The following TPO variants were observed in gnomAD, a reference collection of about 807,000 sequenced individuals.
TPO encodes the protein thyroid microsomal antigen.
Under a neutral mutation model 96.9 loss-of-function variants are expected in TPO, and 78 were observed. That is an observed-to-expected ratio of 0.81 (90% confidence interval 0.67 to 0.97). The LOEUF is 0.97. Ranked by LOEUF, TPO falls within the 50% of genes least tolerant of loss-of-function variation. The pLI is 0.00. For missense variants in TPO, 1,252 were observed against 1,274.8 expected (o/e 0.98, Z 0.27); for synonymous variants, 547 against 538.0 (o/e 1.02, Z -0.23).
chr2:1,475,675 GGCCTCCCAAATTGCTGGGCGCCCACCTCA>G (rs1257901047), intron 7 of TPO, among the ~76,000 whole-genome samples: 3 of 152,000 alleles, frequency 2.0e-5, no homozygotes, highest in Admixed American at 6.5e-5. Flanking sequence ...CGCCCACCTC[GGCCTCCCAAATTGCTGGGCGCCCACCTCA>G]GCCTCCCAAA....
At chr2:1,528,660 A>ACCACTGTGTGCAACCTCCTCAAATCCC (rs1677206741) in intron 15 of TPO, among the ~76,000 whole-genome samples, 1 of 53,922 alleles carries the variant, frequency 1.9e-5, no homozygotes, top group Non-Finnish European at 3.4e-5. Flanking sequence ...CACCACATCC[A>ACCACTGTGTGCAACCTCCTCAAATCCC]CCACTGTGTG....
intron 2 of TPO, among the ~76,000 whole-genome samples, chr2:1,420,751 G>A (rs531159590): frequency 5.3e-5 from 8 of 152,212 alleles, no homozygotes; most frequent in South Asian, 2.1e-4. Context: ...AAGGATGGTG[G>A]GGAGATCAGT....
At chr2:1,477,927 A>G in intron 8 of TPO, 1 of 985,160 alleles carries the variant, frequency 1.0e-6, no homozygotes, top group South Asian at 4.7e-5. Flanking sequence ...CCCAACAACC[A>G]CAGCCCCACA....
intron 1 of TPO, among the ~76,000 whole-genome samples, chr2:1,385,351 G>A (rs1485573466): frequency 1.3e-5 from 2 of 151,984 alleles, no homozygotes; most frequent in African/African-American, 2.4e-5. Context: ...GACTTTTTTT[G>A]GTTGGTAAGC....
chr2:1,478,273 C>T (rs1258735694), intron 8 of TPO: 2 of 985,310 alleles, frequency 2.0e-6, no homozygotes, highest in Non-Finnish European at 2.4e-6. Context: ...CGGTCCCTGA[C>T]TCTAGGGGTC....
intron 15 of TPO, among the ~76,000 whole-genome samples, chr2:1,531,595 T>TC (rs1223313940): frequency 4.7e-5 from 2 of 42,120 alleles, no homozygotes; most frequent in African/African-American, 1.9e-4. Flanking sequence ...CCGCCCCATA[T>TC]CCCCCCCACT....
chr2:1,505,831 G>C (rs1673388809), intron 14 of TPO, among the ~76,000 whole-genome samples: 1 of 137,448 alleles, frequency 7.3e-6, no homozygotes, highest in Admixed American at 7.7e-5. Flanking sequence ...AGAAATTCTT[G>C]TGGCTTTCTT....
intron 15 of TPO, among the ~76,000 whole-genome samples, chr2:1,521,466 T>TC (rs1675252753): frequency 6.6e-6 from 1 of 151,976 alleles, no homozygotes; most frequent in South Asian, 2.1e-4. Context: ...GGTGCCCTCT[T>TC]CCCCCAGGAC....
At chr2:1,486,204 T>G (rs760116255) in intron 9 of TPO, among the ~76,000 whole-genome samples, 18 of 152,076 alleles carry the variant, frequency 1.2e-4, no homozygotes, top group Non-Finnish European at 2.2e-4. Flanking sequence ...GTGGGGAAAA[T>G]AAATGTGTTT....
chr2:1,440,150 A>ACCG (rs1558287906), intron 5 of TPO, among the ~76,000 whole-genome samples: 2 of 99,278 alleles, frequency 2.0e-5, no homozygotes, highest in African/African-American at 9.0e-5. Context: ...TGCGTTTCCA[A>ACCG]TGTGCTGCGT....
chr2:1,399,665 C>T (rs901264496), intron 1 of TPO, among the ~76,000 whole-genome samples: 4 of 152,238 alleles, frequency 2.6e-5, no homozygotes, highest in Non-Finnish European at 5.9e-5. Flanking sequence ...GTTGCCCACC[C>T]TTTCCATCTC....
At chr2:1,494,435 G>A (rs28991272) in intron 11 of TPO, among the ~76,000 whole-genome samples, 6,283 of 152,342 alleles carry the variant, frequency 0.041, 175 homozygotes, top group East Asian at 0.11. Context: ...GGCCATGCCC[G>A]GTGCTCATGG....
intron 15 of TPO, among the ~76,000 whole-genome samples, chr2:1,540,190 C>G (rs913871770): frequency 1.3e-5 from 2 of 152,100 alleles, no homozygotes; most frequent in African/African-American, 4.8e-5. Context: ...GTTGAAGATG[C>G]TGTTGGGCCC....
At chr2:1,388,129 T>C (rs1364011325) in intron 1 of TPO, among the ~76,000 whole-genome samples, 1 of 152,124 alleles carries the variant, frequency 6.6e-6, no homozygotes, top group African/African-American at 2.4e-5. Flanking sequence ...TACTCGGGGG[T>C]GCCTCCCAGT....
chr2:1,378,812 G>C (rs773123642), intron 1 of TPO, among the ~76,000 whole-genome samples: 7 of 152,146 alleles, frequency 4.6e-5, no homozygotes, highest in Non-Finnish European at 1.0e-4. Context: ...GTTTCAGAAG[G>C]TCCGAGAGAT....
chr2:1,535,535 C>A (rs1679430487), intron 15 of TPO, among the ~76,000 whole-genome samples: 1 of 61,626 alleles, frequency 1.6e-5, no homozygotes, highest in Non-Finnish European at 3.0e-5. Context: ...TCCCCGTGTG[C>A]CACTTCCCCA....
At chr2:1,405,234 T>TATCC (rs1172682006) in intron 1 of TPO, among the ~76,000 whole-genome samples, 3 of 149,076 alleles carry the variant, frequency 2.0e-5, no homozygotes, top group South Asian at 4.3e-4. Flanking sequence ...TCCTTCCATT[T>TATCC]ATCCATCCAT....
rs534480944 is a variant in TPO, at chr2:1,461,507, G to A, written c.819+5225G>A. ...GCCTCAGGGGAGGAATTGGCCTTTC[G>A]TCCTAAGAAAAGTCTCCTCAGAAGA... is the stretch of plus-strand genomic sequence containing the variant. On this transcript the variant is annotated intron_variant, in intron 7 of 16. Transcript: ENST00000329066. Among the ~76,000 whole-genome samples, 4 of 152,208 alleles carry A rather than the reference G, an allele frequency of 2.6e-5. No individual in the cohort carries two copies. The South Asian group carries it at 6.2e-4, about 24-fold the overall frequency.
chr2:1,422,362 G>GGACAGACCT (rs1663794009), intron 2 of TPO, among the ~76,000 whole-genome samples: 3 of 117,442 alleles, frequency 2.6e-5, no homozygotes, highest in African/African-American at 6.1e-5. Flanking sequence ...TGCAGGCGCC[G>GGACAGACCT]CGCTGGACCG....
Sources: allele counts gnomAD v4.1 joint callset (sites outside exome capture counted in the v4.1 genomes callset), GRCh38; gene constraint gnomAD v4.1.1; transcripts MANE v1.5; gene names NCBI Gene and HGNC (gene_info 2026-07-23, HGNC 2026-07-21).